The following EPC2 variants were observed in gnomAD, a reference collection of about 807,000 sequenced individuals.
EPC2 encodes enhancer of polycomb 2, also known as enhancer of polycomb homolog 2.
A neutral mutation model predicts 92.1 loss-of-function variants in EPC2; 14 were observed. The ratio of observed to expected loss-of-function variants is 0.15; its 90% CI spans 0.10 to 0.24. The LOEUF (loss-of-function observed/expected upper bound fraction) is 0.24. EPC2 is among the 10% of genes least tolerant of loss of function. EPC2 has a pLI of 1.00. For synonymous variants in EPC2, 340 were observed against 334.7 expected (o/e 1.02, Z -0.17); for missense variants, 755 against 971.5 (o/e 0.78, Z 2.96).
intron 10 of EPC2, among the ~76,000 whole-genome samples, chr2:148,775,770 C>CTTTTT (rs1266672761): frequency 1.8e-4 from 10 of 56,496 alleles, no homozygotes; most frequent in African/African-American, 3.1e-4. Flanking sequence ...TTACCAATTT[C>CTTTTT]TTTTCTTTTT....
At chr2:148,747,290 C>T (rs1290460008) in intron 3 of EPC2, among the ~76,000 whole-genome samples, 2 of 152,084 alleles carry the variant, frequency 1.3e-5, no homozygotes, top group African/African-American at 4.8e-5. Flanking sequence ...ATTTTCCTTC[C>T]TTTCTACCTC....
intron 10 of EPC2, among the ~76,000 whole-genome samples, chr2:148,774,581 C>T (rs1389492268): frequency 6.8e-6 from 1 of 146,022 alleles, no homozygotes; most frequent in Non-Finnish European, 1.5e-5. Context: ...TGCCACTGTA[C>T]TCCAGCCAGG....
chr2:148,779,425 T>A (rs1051629499), intron 10 of EPC2, among the ~76,000 whole-genome samples: 1 of 151,950 alleles, frequency 6.6e-6, no homozygotes, highest in African/African-American at 2.4e-5. Flanking sequence ...ATACAAAAAA[T>A]TTCTAAAATT....
At chr2:148,743,578 T>C in intron 2 of EPC2, 44 bp from the exon 3 acceptor site, 1 of 1,443,180 alleles carries the variant, frequency 6.9e-7, no homozygotes. Context: ...ATGTATAATT[T>C]CATAATTTCT....
intron 2 of EPC2, among the ~76,000 whole-genome samples, chr2:148,728,698 G>C (rs929465572): frequency 4.7e-5 from 7 of 148,032 alleles, no homozygotes; most frequent in African/African-American, 1.7e-4. Flanking sequence ...CTACTGCACT[G>C]CATCCTGGGT....
rs921643539 is a variant in EPC2, at chr2:148,749,766, A to C, written c.460-4161A>C. 3.3e-5 allele frequency among the ~76,000 whole-genome samples: 5 copies of C among 152,134 alleles called. No individual in the cohort carries two copies. In the East Asian group the frequency reaches 9.6e-4, roughly 29 times the overall value. On this transcript the variant is annotated intron_variant, in intron 3 of 13. Coordinates refer to ENST00000258484, the MANE Select transcript of EPC2 (RefSeq NM_015630.4). Reference sequence around the variant, plus strand: ...TGAAGCAGTCCCAGTGAACCCCATCACACAATAAAATTTTAAAACCACCAT... The same window carrying C: ...TGAAGCAGTCCCAGTGAACCCCATCCCACAATAAAATTTTAAAACCACCAT...
intron 2 of EPC2, among the ~76,000 whole-genome samples, chr2:148,738,749 C>G (rs570726543): frequency 3.9e-4 from 60 of 152,242 alleles, no homozygotes; most frequent in South Asian, 1.4e-3. Flanking sequence ...TTTAGGAAGG[C>G]AAGAAATAAC....
intron 1 of EPC2, among the ~76,000 whole-genome samples, chr2:148,681,164 G>A (rs538047810): frequency 4.7e-4 from 72 of 152,312 alleles, no homozygotes; most frequent in African/African-American, 1.7e-3. Context: ...GAAGAAGGAG[G>A]CAGAAATCAC....
At chr2:148,743,237 T>G in intron 2 of EPC2, among the ~76,000 whole-genome samples, 1 of 152,180 alleles carries the variant, frequency 6.6e-6, no homozygotes, top group Non-Finnish European at 1.5e-5. Flanking sequence ...TTATCCTCAG[T>G]AATTTGAAAC....
At chr2:148,655,576 C>G (rs1680775265) in intron 1 of EPC2, among the ~76,000 whole-genome samples, 1 of 152,140 alleles carries the variant, frequency 6.6e-6, no homozygotes, top group African/African-American at 2.4e-5. Context: ...GCTAGTACTA[C>G]TGTGGTCTGT....
At chr2:148,648,178 TAAGA>T (rs1403296021) in intron 1 of EPC2, among the ~76,000 whole-genome samples, 1 of 152,252 alleles carries the variant, frequency 6.6e-6, no homozygotes, top group Non-Finnish European at 1.5e-5. Context: ...CCGTAACAGT[TAAGA>T]TTTATAGTCT....
chr2:148,705,230 T>C (rs1334051166), intron 2 of EPC2, among the ~76,000 whole-genome samples: 1 of 152,216 alleles, frequency 6.6e-6, no homozygotes, highest in East Asian at 1.9e-4. Context: ...CTTAGGGCTG[T>C]CTATAGATTC....
At chr2:148,760,118 G>A (rs1189324097) in intron 4 of EPC2, among the ~76,000 whole-genome samples, 2 of 152,026 alleles carry the variant, frequency 1.3e-5, no homozygotes, top group African/African-American at 2.4e-5. Context: ...TGGTGGATTC[G>A]TGTAATCCCA....
chr2:148,699,873 C>T (rs926025671), intron 2 of EPC2, among the ~76,000 whole-genome samples: 4 of 152,114 alleles, frequency 2.6e-5, no homozygotes, highest in Admixed American at 6.6e-5. Context: ...TCTATTGCCC[C>T]GCATCCTTAT....
At chr2:148,658,790 A>G (rs1436684889) in intron 1 of EPC2, among the ~76,000 whole-genome samples, 4 of 151,922 alleles carry the variant, frequency 2.6e-5, no homozygotes, top group African/African-American at 7.3e-5. Context: ...TACTTATGCA[A>G]TGATAAGTGA....
chr2:148,650,164 G>A (rs1385761644), intron 1 of EPC2, among the ~76,000 whole-genome samples: 1 of 152,100 alleles, frequency 6.6e-6, no homozygotes, highest in Non-Finnish European at 1.5e-5. Context: ...CAAGTGCCTG[G>A]AACTGTGCCT....
At chr2:148,663,143 A>G (rs1680973848) in intron 1 of EPC2, among the ~76,000 whole-genome samples, 3 of 150,710 alleles carry the variant, frequency 2.0e-5, no homozygotes, top group African/African-American at 7.3e-5. Flanking sequence ...ATGGTAGAGT[A>G]GACAGTTGAT....
Position 148,754,091 on chromosome 2 carries a change from T to C in EPC2, c.624T>C (p.Tyr208=), listed in dbSNP as rs746321723. The change falls in exon 4 of 14, where the codon TAT becomes TAC. Residue 208 remains tyrosine, a synonymous_variant. Transcript: ENST00000258484. ...ATGGCTCTACCAACAATGACCCTTATGTTGCCTTTCGGAGAAGAACAGAGA... is the reference window on the plus strand; with the variant it reads ...ATGGCTCTACCAACAATGACCCTTACGTTGCCTTTCGGAGAAGAACAGAGA... ...KRDGSTNNDP[Y]VAFRRRTEKM... The C allele has an allele frequency of 9.3e-6, 15 of 1,609,896 alleles. No homozygotes were observed. Among genetic ancestry groups the C allele is most frequent in the Admixed American group, 1.7e-5 (1 of 59,378 alleles).
chr2:148,658,015 C>T (rs558739985), intron 1 of EPC2, among the ~76,000 whole-genome samples: 24 of 152,062 alleles, frequency 1.6e-4, no homozygotes, highest in South Asian at 2.1e-4. Flanking sequence ...GCCATGAGCA[C>T]GAATTATTTA....
Sources: gnomAD v4.1 joint callset for allele counts (sites outside exome capture counted in the v4.1 genomes callset) on GRCh38, gnomAD v4.1.1 for gene constraint, MANE v1.5 for transcripts, NCBI Gene and HGNC (gene_info 2026-07-23, HGNC 2026-07-21) for gene names.